Variants in SLCO6A1 observed in about 807,000 individuals in gnomAD.
The protein encoded by SLCO6A1 is cancer/testis antigen 48.
SLCO6A1 carries 65 observed loss-of-function variants against 72.7 expected under a neutral mutation model. That is an observed-to-expected ratio of 0.89 (90% confidence interval 0.73 to 1.10). SLCO6A1 has a LOEUF of 1.10. Among genes scored for constraint, SLCO6A1 ranks in the 50% least tolerant of loss-of-function variants. The pLI is 0.00. For missense variants in SLCO6A1, 874 were observed against 872.6 expected (o/e 1.00, Z -0.02); for synonymous variants, 314 against 298.2 (o/e 1.05, Z -0.55).
rs201223529 is a variant in SLCO6A1 at position 102,458,464 on chromosome 5, C to T, written c.1049G>A (p.Arg350His). 41 of 1,612,356 alleles carry T rather than the reference C, an allele frequency of 2.5e-5. No homozygotes were observed. Among genetic ancestry groups the T allele is most frequent in the Middle Eastern group, 1.6e-4 (1 of 6,064 alleles). Residue 350 changes from arginine (R) to histidine (H), a missense_variant, in exon 6 of 14, where the codon CGT becomes CAT. Arg to His is a conservative substitution (Grantham distance 29). Coordinates refer to ENST00000506729, the MANE Select transcript of SLCO6A1 (RefSeq NM_173488.5). ...PGSTRIKARK[R>H]KQLHFFDSRL... is the part of the protein sequence containing the mutation. ...GCTGTCAAAAAAATGAAGCTGTTTACGTTTCCTAGCTTTTATCCGTGTTGA... is the reference window on the plus strand; with the variant it reads ...GCTGTCAAAAAAATGAAGCTGTTTATGTTTCCTAGCTTTTATCCGTGTTGA...
chr5:102,385,363 T>C (rs76979875), intron 12 of SLCO6A1, among the ~76,000 whole-genome samples: 3,771 of 152,290 alleles, frequency 0.025, 55 homozygotes, highest in South Asian at 0.044. Flanking sequence ...TTTGGGAAAC[T>C]TTCTGTCATT....
At chr5:102,404,747 GA>G (rs957897118) in intron 9 of SLCO6A1, among the ~76,000 whole-genome samples, 19 of 152,052 alleles carry the variant, frequency 1.2e-4, no homozygotes, top group African/African-American at 4.3e-4. Context: ...TAGACTAATA[GA>G]GGCATAAAAT....
chr5:102,434,621 G>T (rs1749403818), intron 7 of SLCO6A1, among the ~76,000 whole-genome samples: 1 of 152,156 alleles, frequency 6.6e-6, no homozygotes, highest in Non-Finnish European at 1.5e-5. Context: ...ACCCATTACA[G>T]ATCTGAGCAC....
At chr5:102,437,985 A>C (rs1484767625) in intron 7 of SLCO6A1, among the ~76,000 whole-genome samples, 1 of 152,092 alleles carries the variant, frequency 6.6e-6, no homozygotes, top group African/African-American at 2.4e-5. Flanking sequence ...TAAAATTGTA[A>C]ATGTACACAA....
chr5:102,430,707 T>C (rs540023071), intron 7 of SLCO6A1, among the ~76,000 whole-genome samples: 7 of 152,140 alleles, frequency 4.6e-5, no homozygotes, highest in Non-Finnish European at 1.0e-4. Flanking sequence ...CTAGTATGTA[T>C]TGAAGATTTT....
At chr5:102,395,348 T>G (rs1747011076) in intron 10 of SLCO6A1, among the ~76,000 whole-genome samples, 4 of 152,184 alleles carry the variant, frequency 2.6e-5, no homozygotes, top group African/African-American at 7.2e-5. Flanking sequence ...ACTTCATCCA[T>G]GTCCCTACAA....
At chr5:102,437,723 CTTTCTAT>C (rs1267813997) in intron 7 of SLCO6A1, among the ~76,000 whole-genome samples, 1 of 151,980 alleles carries the variant, frequency 6.6e-6, no homozygotes, top group Non-Finnish European at 1.5e-5. Flanking sequence ...ATCTTATTTG[CTTTCTAT>C]TTTGCCCACA....
chr5:102,447,900 C>T (rs1395098079), intron 6 of SLCO6A1, among the ~76,000 whole-genome samples: 1 of 151,866 alleles, frequency 6.6e-6, no homozygotes, highest in Non-Finnish European at 1.5e-5. Flanking sequence ...TTGTTTCCTT[C>T]TTTTCTTCTG....
rs558789086 is a variant in SLCO6A1 at position 102,442,920 on chromosome 5, G to A, written c.1132-4159C>T. ...CTACTAAAAATACAAAAATTAGGCT[G>A]GGTGCAGTGGCTCACGCCTGTAATC... On this transcript the variant is annotated intron_variant, in intron 6 of 13. Transcript: ENST00000506729. Among the ~76,000 whole-genome samples, 10 of 152,236 alleles carry A rather than the reference G, an allele frequency of 6.6e-5. No individual in the cohort carries two copies. In the South Asian group the frequency reaches 2.1e-3, roughly 32 times the overall value.
chr5:102,392,793 C>G (rs1045935932), intron 10 of SLCO6A1, among the ~76,000 whole-genome samples: 2 of 151,870 alleles, frequency 1.3e-5, no homozygotes, highest in African/African-American at 4.8e-5. Flanking sequence ...ACTCTCCCAA[C>G]ATGTAAAAGG....
chr5:102,456,431 C>CA (rs776515226), intron 6 of SLCO6A1, among the ~76,000 whole-genome samples: 9 of 152,068 alleles, frequency 5.9e-5, no homozygotes, highest in Non-Finnish European at 7.4e-5. Context: ...AATCAATGTG[C>CA]AAAAATCACA....
chr5:102,436,258 A>G (rs1165247806), intron 7 of SLCO6A1, among the ~76,000 whole-genome samples: 1 of 152,152 alleles, frequency 6.6e-6, no homozygotes, highest in Admixed American at 6.5e-5. Flanking sequence ...TCACTGATAG[A>G]TGATATGCAG....
intron 4 of SLCO6A1, among the ~76,000 whole-genome samples, chr5:102,471,614 C>A (rs1751613174): frequency 6.6e-6 from 1 of 152,066 alleles, no homozygotes; most frequent in Admixed American, 6.6e-5. Flanking sequence ...GCCTTAATCC[C>A]AATCCACAAC....
intron 12 of SLCO6A1, among the ~76,000 whole-genome samples, chr5:102,374,246 T>C (rs1310481665): frequency 6.6e-6 from 1 of 152,126 alleles, no homozygotes; most frequent in African/African-American, 2.4e-5. Context: ...GCTCAGGCGA[T>C]CTCCTTGCCT....
intron 6 of SLCO6A1, among the ~76,000 whole-genome samples, chr5:102,454,386 T>C (rs1191342441): frequency 9.2e-5 from 14 of 152,248 alleles, no homozygotes; most frequent in Admixed American, 9.2e-4. Flanking sequence ...TGCCTTTGCT[T>C]AATTTCCAGA....
At chr5:102,389,455 CCCA>C (rs1746619053) in intron 11 of SLCO6A1, among the ~76,000 whole-genome samples, 3 of 57,344 alleles carry the variant, frequency 5.2e-5, no homozygotes, top group African/African-American at 9.2e-5. Flanking sequence ...GCCCCCCACC[CCCA>C]CACACACAGA....
intron 12 of SLCO6A1, among the ~76,000 whole-genome samples, chr5:102,382,765 G>T (rs78507536): frequency 0.055 from 8,229 of 150,092 alleles, 733 homozygotes; most frequent in African/African-American, 0.19. Flanking sequence ...AATTTTTTTT[G>T]ATTCTCTTTT....
chr5:102,484,383 C>T (rs1752348259), intron 1 of SLCO6A1, among the ~76,000 whole-genome samples: 1 of 152,154 alleles, frequency 6.6e-6, no homozygotes. Context: ...GGTGCAGTGG[C>T]TCACACCTGT....
intron 1 of SLCO6A1, among the ~76,000 whole-genome samples, chr5:102,481,043 A>T (rs1429341170): frequency 2.0e-5 from 3 of 152,240 alleles, no homozygotes; most frequent in African/African-American, 7.2e-5. Context: ...GGAAAAAAGT[A>T]ATCATAATCA....
Sources: allele counts gnomAD v4.1 joint callset (sites outside exome capture counted in the v4.1 genomes callset), GRCh38; gene constraint gnomAD v4.1.1; transcripts MANE v1.5; gene names NCBI Gene and HGNC (gene_info 2026-07-23, HGNC 2026-07-21).